Variants in ITCH observed in about 807,000 individuals in gnomAD.
ITCH encodes the protein itchy E3 ubiquitin protein ligase.
Under a neutral mutation model 126.8 loss-of-function variants are expected in ITCH, and 28 were observed. The ratio of observed to expected loss-of-function variants is 0.22; its 90% CI spans 0.16 to 0.30. The LOEUF (loss-of-function observed/expected upper bound fraction) is 0.30. Ranked by LOEUF, ITCH falls within the 10% of genes least tolerant of loss-of-function variation. The probability of loss-of-function intolerance (pLI) is 1.00; values close to 1 mark genes in which losing one functional copy is unlikely to be tolerated. For synonymous variants in ITCH, 342 were observed against 340.0 expected, an observed-to-expected ratio of 1.01 and a Z score of -0.06; for missense variants, 631 against 1,032.4, an observed-to-expected ratio of 0.61 and a Z score of 5.33.
intron 8 of ITCH, among the ~76,000 whole-genome samples, chr20:34,439,294 G>T (rs1256212389): frequency 6.6e-6 from 1 of 151,196 alleles, no homozygotes; most frequent in Non-Finnish European, 1.5e-5. Flanking sequence ...TTTATTTTTT[G>T]AGACAGGGTC....
chr20:34,503,227 G>A (rs1486677375), intron 23 of ITCH, among the ~76,000 whole-genome samples: 3 of 152,126 alleles, frequency 2.0e-5, no homozygotes, highest in Admixed American at 2.0e-4. Flanking sequence ...GGTTTAGTCA[G>A]GTGGGACATG....
At chr20:34,375,043 A>ATT (rs761979154) in intron 2 of ITCH, among the ~76,000 whole-genome samples, 1 of 95,142 alleles carries the variant, frequency 1.1e-5, no homozygotes, top group East Asian at 3.0e-4. Flanking sequence ...GCCTGGCGTG[A>ATT]TTTTTTTTTT....
rs1324277431 is a variant in ITCH at position 34,457,579 on chromosome 20, G to C, written c.1295+105G>C. ...TATTCTTTTGCCAAAGACCTAAAAC[G>C]TTAATCACCTACATACTTTGGAAAG... is the stretch of plus-strand genomic sequence containing the variant. On this transcript the variant is annotated intron_variant, in intron 13 of 24. Transcript: ENST00000374864. 30 of 771,514 alleles carry C rather than the reference G, an allele frequency of 3.9e-5. No individual in the cohort carries two copies. The South Asian group carries it at 4.4e-4, about 11-fold the overall frequency. 47.8% of individuals were successfully genotyped at this position (771,514 alleles called of 1,614,324 possible). A position where few individuals can be genotyped will look rare whatever the true frequency, so the allele number is the denominator to read the frequency against.
chr20:34,462,242 AG>A, intron 14 of ITCH, 21 bp downstream of exon 14: 1 of 1,610,534 alleles, frequency 6.2e-7, no homozygotes, highest in Non-Finnish European at 8.5e-7. Context: ...TAAACATTGT[AG>A]ATTAAGAGTA....
intron 2 of ITCH, among the ~76,000 whole-genome samples, chr20:34,370,663 C>A (rs1203881146): frequency 2.0e-3 from 262 of 129,208 alleles, no homozygotes; most frequent in East Asian, 3.1e-3. Flanking sequence ...GAGTCTGTCT[C>A]AAAAAAAAAA....
intron 6 of ITCH, among the ~76,000 whole-genome samples, chr20:34,420,865 A>G (rs1464411812): frequency 6.6e-6 from 1 of 152,138 alleles, no homozygotes; most frequent in Non-Finnish European, 1.5e-5. Context: ...CCCAGAGAAC[A>G]TTTCTTTTGC....
At chr20:34,382,894 C>G (rs1033456849) in intron 2 of ITCH, among the ~76,000 whole-genome samples, 1 of 151,750 alleles carries the variant, frequency 6.6e-6, no homozygotes, top group Non-Finnish European at 1.5e-5. Context: ...CAGGCACGCA[C>G]CGCCACGCCT....
intron 7 of ITCH, among the ~76,000 whole-genome samples, chr20:34,432,202 A>G (rs1317185506): frequency 6.6e-6 from 1 of 152,206 alleles, no homozygotes; most frequent in Admixed American, 6.5e-5. Context: ...AGATGAGAGT[A>G]GATTCGATGT....
At chr20:34,415,951 G>A (rs533633090) in intron 6 of ITCH, among the ~76,000 whole-genome samples, 6 of 151,502 alleles carry the variant, frequency 4.0e-5, no homozygotes, top group South Asian at 2.1e-4. Flanking sequence ...GTGAAACCCC[G>A]TCTCTACTAA....
chr20:34,475,865 TTAAA>T, intron 16 of ITCH: 1 of 939,036 alleles, frequency 1.1e-6, no homozygotes, highest in Non-Finnish European at 1.7e-6. Flanking sequence ...ATTTTATCAC[TTAAA>T]TAATAATTAT....
intron 3 of ITCH, chr20:34,402,566 A>G (rs1178804277): frequency 1.1e-5 from 8 of 717,386 alleles, no homozygotes; most frequent in Non-Finnish European, 1.8e-5. Flanking sequence ...CCAAGAGTAT[A>G]TGGTTCTCTA....
At chr20:34,477,642 A>G (rs1988359072) in intron 16 of ITCH, 130 bp from the exon 17 acceptor site, 1 of 742,288 alleles carries the variant, frequency 1.3e-6, no homozygotes, top group Non-Finnish European at 2.3e-6. Flanking sequence ...GGTTTTGACT[A>G]GACCATGAAC....
chr20:34,507,753 T>C lies in ITCH; in HGVS notation c.2548T>C (p.Leu850=). The C allele has an allele frequency of 1.2e-6, 2 of 1,613,940 alleles. No homozygotes were observed. The highest frequency in any genetic ancestry group is 1.3e-5 in the African/African-American group (1 of 75,044). ...CTATGAGCAACTGAAGGAAAAGCTG[T>C]TGTTTGCCATAGAAGAAACAGAAGG... ...KSYEQLKEKL[L]FAIEETEGFG... The change falls in exon 25 of 25, where the codon TTG becomes CTG. Residue 850 remains leucine (L), a synonymous_variant. Transcript: ENST00000374864.
At chr20:34,407,851 T>C (rs1412014510) in intron 3 of ITCH, among the ~76,000 whole-genome samples, 1 of 152,228 alleles carries the variant, frequency 6.6e-6, no homozygotes, top group Non-Finnish European at 1.5e-5. Flanking sequence ...TATAATCTCC[T>C]TGAAAGCCAG....
chr20:34,431,707 G>C (rs1982316585), intron 7 of ITCH, among the ~76,000 whole-genome samples: 1 of 152,146 alleles, frequency 6.6e-6, no homozygotes, highest in Non-Finnish European at 1.5e-5. Flanking sequence ...GATTACAAAA[G>C]CACTGTCACA....
chr20:34,424,406 G>A (rs1470851669), intron 6 of ITCH, 74 bp from the exon 7 acceptor site: 1 of 1,065,352 alleles, frequency 9.4e-7, no homozygotes, highest in Non-Finnish European at 1.5e-6. Context: ...TGCTTACATG[G>A]CATGTTTAGA....
At position 34,426,439 on chromosome 20, in the gene ITCH, T is replaced by G. The variant is rs77643739; in HGVS notation, c.521+1914T>G. ...CATTTGTCATCTATGGGTTGTTTTTTTTTTGTTTTGTTTTTTTGTTTTTTT... is the reference window on the plus strand; with the variant it reads ...CATTTGTCATCTATGGGTTGTTTTTGTTTTGTTTTGTTTTTTTGTTTTTTT... On this transcript the variant is annotated intron_variant, in intron 7 of 24. Transcript: ENST00000374864. Among the ~76,000 whole-genome samples, 239 of 152,174 alleles carry G rather than the reference T, an allele frequency of 1.6e-3. 1 individual carries two copies. The highest frequency in any genetic ancestry group is 5.8e-3 in the East Asian group (30 of 5,184).
At chr20:34,445,545 G>A in intron 11 of ITCH, 84 bp downstream of exon 11, 1 of 1,368,480 alleles carries the variant, frequency 7.3e-7, no homozygotes, top group Non-Finnish European at 1.0e-6. Context: ...GCACTAAAAA[G>A]AAGGTGCAAG....
chr20:34,408,855 A>T (rs1978530710), intron 4 of ITCH, 63 bp downstream of exon 4: 2 of 1,535,562 alleles, frequency 1.3e-6, no homozygotes, highest in South Asian at 1.2e-5. Flanking sequence ...AATACAATTT[A>T]AAAAAATGTT....
Sources: allele counts gnomAD v4.1 joint callset (sites outside exome capture counted in the v4.1 genomes callset), GRCh38; gene constraint gnomAD v4.1.1; transcripts MANE v1.5; gene names NCBI Gene and HGNC (gene_info 2026-07-23, HGNC 2026-07-21).